Variants in TLCD1 observed in about 807,000 individuals in gnomAD.
TLCD1 encodes the protein TLC domain containing 1.
TLCD1 carries 21 observed loss-of-function variants against 21.2 expected under a neutral mutation model. The ratio of observed to expected loss-of-function variants is 0.99; its 90% confidence interval spans 0.70 to 1.42. TLCD1 has a LOEUF of 1.42. TLCD1 is among the 40% of genes most tolerant of loss of function. The pLI is 0.00. For synonymous variants in TLCD1, 168 were observed against 134.8 expected, an observed-to-expected ratio of 1.25 and a Z score of -1.71; for missense variants, 344 against 330.3, an observed-to-expected ratio of 1.04 and a Z score of -0.32.
In TLCD1 at chr17:28,726,072, A is replaced by G; in HGVS notation, c.26T>C (p.Leu9Pro). 1 of 1,504,972 alleles carries G rather than the reference A, an allele frequency of 6.6e-7. No individual in the cohort carries two copies. The highest frequency in any genetic ancestry group is 8.8e-7 in the Non-Finnish European group (1 of 1,134,206). The allele number at this position is 1,504,972 out of a possible 1,614,324, so 93.2% of individuals were successfully genotyped here. A position where few individuals can be genotyped will look rare whatever the true frequency, so the allele number is the denominator to read the frequency against. ...CAGCGTGGCGCCCAGGAGCAGCGGCAGGGCGGGGTGCAGCAGTCGGGGCAT... is the reference window on the plus strand; with the variant it reads ...CAGCGTGGCGCCCAGGAGCAGCGGCGGGGCGGGGTGCAGCAGTCGGGGCAT... Reference protein sequence around the residue: MPRLLHPALPLLLGATLTF... With the variant: MPRLLHPAPPLLLGATLTF... The change falls in exon 1 of 4, where the codon CTG becomes CCG. Residue 9 changes from leucine to proline, a missense_variant. Transcript: ENST00000292090.
At chr17:28,726,754 A>C (rs1407731101), upstream of TLCD1, 3 of 1,548,620 alleles carry the variant, frequency 1.9e-6, no homozygotes, top group African/African-American at 2.7e-5. Context: ...TCCCGTGTTT[A>C]CCTGTCCCTC....
In TLCD1 at chr17:28,724,904, G is replaced by A; in HGVS notation, c.361-11C>T. ...GAAGGCACCCATGGCCTAGAGGGAA[G>A]AAAGAATAGGAGTTAGGGAACCCAG... On this transcript the variant is annotated splice_polypyrimidine_tract_variant and intron_variant, in intron 3 of 3. Transcript: ENST00000292090. 6.2e-7 allele frequency: 1 copy of A among 1,608,524 alleles called. No individual in the cohort carries two copies. The highest frequency in any genetic ancestry group is 1.7e-4 in the Middle Eastern group (1 of 6,032).
chr17:28,725,083 GC>G (rs1394265642), intron 3 of TLCD1, among the ~76,000 whole-genome samples, 190 bp from the exon 4 acceptor site: 1 of 152,134 alleles, frequency 6.6e-6, no homozygotes, highest in Non-Finnish European at 1.5e-5. Flanking sequence ...CTCACAGCTG[GC>G]TGTGGGTGAT....
rs746507566 is a variant in TLCD1, at chr17:28,726,039, CGGAAG to C, written c.54_58del (p.Phe19GlyfsTer51). 3.0e-5 allele frequency: 47 copies of C among 1,584,486 alleles called. No homozygotes were observed. Among genetic ancestry groups the C allele is most frequent in the Admixed American group, 2.5e-4 (14 of 55,960 alleles). On this transcript the variant is annotated frameshift_variant, in exon 1 of 4. Coordinates refer to ENST00000292090, the MANE Select transcript of TLCD1 (RefSeq NM_138463.4). LOFTEE classifies it high-confidence loss of function. ...GCGACAGAGCGCGCGCCGGAGCGCC[CGGAAG>C]GTCAGCGTGGCGCCCAGGAGCAGCG... is the stretch of plus-strand genomic sequence containing the variant.
At chr17:28,726,762 C>T (rs114594477), upstream of TLCD1, 4,944 of 1,549,294 alleles carry the variant, frequency 3.2e-3, 156 homozygotes, top group African/African-American at 0.059. Context: ...TTACCTGTCC[C>T]TCCCGCGCCC....
At chr17:28,725,824 G>T in intron 1 of TLCD1, 80 bp downstream of exon 1, 1 of 1,516,176 alleles carries the variant, frequency 6.6e-7, no homozygotes, top group South Asian at 1.2e-5. Context: ...AGTGAGCGAT[G>T]GGGGTAGTAA....
In TLCD1 at chr17:28,725,309, C is replaced by A; in HGVS notation, c.355G>T (p.Val119Phe). 1 of 1,614,074 alleles carries A rather than the reference C, an allele frequency of 6.2e-7. No individual in the cohort carries two copies. Among genetic ancestry groups the A allele is most frequent in the Non-Finnish European group, 8.5e-7 (1 of 1,179,972 alleles). Residue 119 changes from valine to phenylalanine, a missense_variant, in exon 3 of 4, where the codon GTC becomes TTC. By Grantham distance (50) the Val-to-Phe change is conservative (BLOSUM62 -1). Transcript: ENST00000292090. ...ATAGTCTGCTTCTCTCTTACCATGA[C>A]GTGATGGACAAGGTATTCCCAAGAG... is the stretch of plus-strand genomic sequence containing the variant. ...RASWEYLVHH[V>F]MAMGAFFSGI...
At chr17:28,726,914 G>A (rs887584983), upstream of TLCD1, 24 of 1,153,284 alleles carry the variant, frequency 2.1e-5, no homozygotes, top group African/African-American at 3.1e-5. Context: ...GGCTGGGCAA[G>A]CAAGACCTCC....
rs376616845 is a variant in TLCD1, at chr17:28,724,972, A to C, written c.361-79T>G. 5.1e-5 allele frequency: 76 copies of C among 1,503,264 alleles called. No individual in the cohort carries two copies. The African/African-American group carries it at 9.8e-4, about 19-fold the overall frequency. The allele number at this position is 1,503,264 out of a possible 1,614,324, so 93.1% of individuals were successfully genotyped here. On this transcript the variant is annotated intron_variant, in intron 3 of 3. Transcript: ENST00000292090. ...GAAGTTTGGGGGGTGTGGCTATCAG[A>C]TTGAGGGCTGGAAAATCCCAAATTT... is the stretch of plus-strand genomic sequence containing the variant.
At position 28,724,573 on chromosome 17, in the gene TLCD1, G is replaced by A. The variant is rs1397434892; in HGVS notation, c.681C>T (p.Arg227=). 4 of 1,614,196 alleles carry A rather than the reference G, an allele frequency of 2.5e-6. No individual in the cohort carries two copies. The highest frequency in any genetic ancestry group is 3.4e-6 in the Non-Finnish European group (4 of 1,180,042). ...GGACATGCTCAGGGCAGAAGTCAGA[G>A]CGGAGGAGGCGGGAAAAGTAGATTA... The part of the protein sequence containing the change: ...MIIIYFSRLL[R]SDFCPEHVPK... The change falls in exon 4 of 4, where the codon CGC becomes CGT. Residue 227 remains arginine, a synonymous_variant. Coordinates refer to ENST00000292090, the MANE Select transcript of TLCD1 (RefSeq NM_138463.4).
At chr17:28,726,266 G>C (rs1224056181), upstream of TLCD1, 22 of 1,228,544 alleles carry the variant, frequency 1.8e-5, no homozygotes, top group East Asian at 6.8e-4. Flanking sequence ...TCCCTGCGAG[G>C]CCTCTGCCCC....
At position 28,724,750 on chromosome 17, in the gene TLCD1, G is replaced by C. The variant is rs1223305762; in HGVS notation, c.504C>G (p.Tyr168Ter). The C allele has an allele frequency of 1.9e-6, 3 of 1,614,050 alleles. No individual in the cohort carries two copies. The African/African-American group carries it at 4.0e-5, about 22-fold the overall frequency. Residue 168 changes from tyrosine (Y) to a stop codon, truncating the protein, a stop_gained, in exon 4 of 4, where the codon TAC becomes TAG. Coordinates refer to ENST00000292090, the MANE Select transcript of TLCD1 (RefSeq NM_138463.4). LOFTEE classifies it high-confidence loss of function. The stretch of plus-strand genomic sequence containing the variant: ...CCAGGTTCACATACTTGTTAACCCG[G>C]TAGAGGAGATGATCCTGGGCATTAC... ...KISNAQDHLL[Y>*]RVNKYVNLVM... is the part of the protein sequence containing the mutation.
At chr17:28,727,876 T>TC (rs1246915737), upstream of TLCD1, 2 of 152,032 alleles carry the variant, frequency 1.3e-5, no homozygotes, top group Non-Finnish European at 2.9e-5. Context: ...CGCCTCGGCC[T>TC]CCCCAAAGTG....
chr17:28,725,712 CCA>C (rs1472837636), intron 1 of TLCD1, 149 bp from the exon 2 acceptor site: 10 of 1,136,928 alleles, frequency 8.8e-6, no homozygotes, highest in African/African-American at 1.6e-5. Context: ...CCAAGAGCCT[CCA>C]GTTTCCCAGG....
chr17:28,726,295 C>T (rs1396446630), upstream of TLCD1: 250 of 1,129,980 alleles, frequency 2.2e-4, 1 homozygote, highest in Admixed American at 1.1e-3. Context: ...GCCGCCCGCG[C>T]CCCCGCCCCG....
At position 28,726,123 on chromosome 17, in the gene TLCD1, C is replaced by T; in HGVS notation, c.-26G>A. ...GCTGGCCCTCCCTGCCGTCCGCCCT[C>T]GAGGCCGCCTCCTAGGTCTGTTCTG... On this transcript the variant is annotated 5_prime_UTR_variant, in exon 1 of 4. Transcript: ENST00000292090. 1 of 1,423,022 alleles carries T rather than the reference C, an allele frequency of 7.0e-7. No homozygotes were observed. The highest frequency in any genetic ancestry group is 3.2e-5 in the Admixed American group (1 of 31,086). The allele number at this position is 1,423,022 out of a possible 1,614,324, so 88.1% of individuals were successfully genotyped here.
At position 28,725,899 on chromosome 17, in the gene TLCD1, C is replaced by G; in HGVS notation, c.194+5G>C. The G allele has an allele frequency of 6.2e-7, 1 of 1,612,212 alleles. No individual in the cohort carries two copies. Among genetic ancestry groups the G allele is most frequent in the Non-Finnish European group, 8.5e-7 (1 of 1,179,574 alleles). On this transcript the variant is annotated splice_donor_5th_base_variant and intron_variant, in intron 1 of 3. Transcript: ENST00000292090. Reference sequence around the variant, plus strand: ...GCCACCTCATTTCCACAGTCGCTCACTCACCACAGCAGTGCCCAGATCCCC... The same window carrying G: ...GCCACCTCATTTCCACAGTCGCTCAGTCACCACAGCAGTGCCCAGATCCCC...
chr17:28,726,332 G>GC (rs1199700060), upstream of TLCD1: 3 of 751,530 alleles, frequency 4.0e-6, no homozygotes, highest in Middle Eastern at 5.7e-4. Flanking sequence ...CCGTCCGCCT[G>GC]CCCCCGCCCC....
chr17:28,726,725 C>A, upstream of TLCD1: 1 of 1,546,752 alleles, frequency 6.5e-7, no homozygotes. Context: ...CCGCACCACT[C>A]GCAGTCTTCT....
Sources: gnomAD v4.1 joint callset for allele counts (sites outside exome capture counted in the v4.1 genomes callset) on GRCh38, gnomAD v4.1.1 for gene constraint, MANE v1.5 for transcripts, NCBI Gene and HGNC (gene_info 2026-07-23, HGNC 2026-07-21) for gene names.